Variants in SPATA6 observed in about 807,000 individuals in gnomAD.
The protein encoded by SPATA6 is spermatogenesis associated 6.
Under a neutral mutation model 65.3 loss-of-function variants are expected in SPATA6, and 56 were observed. The observed-to-expected ratio is 0.86, with a 90% CI of 0.69 to 1.07. The LOEUF (loss-of-function observed/expected upper bound fraction) is 1.07, where lower values mean the gene tolerates loss of function less well. Ranked by LOEUF, SPATA6 falls within the 50% of genes least tolerant of loss-of-function variation. SPATA6 has a pLI of 0.00. For synonymous variants in SPATA6, 199 were observed against 213.2 expected (o/e 0.93, Z 0.58); for missense variants, 590 against 594.8 (o/e 0.99, Z 0.08).
At chr1:48,444,726 A>G (rs1655850367) in intron 3 of SPATA6, among the ~76,000 whole-genome samples, 1 of 152,154 alleles carries the variant, frequency 6.6e-6, no homozygotes, top group Non-Finnish European at 1.5e-5. Context: ...TTCACAATAA[A>G]TCTTGCTGCT....
intron 11 of SPATA6, among the ~76,000 whole-genome samples, chr1:48,340,861 C>G (rs1458520762): frequency 6.6e-6 from 1 of 152,080 alleles, no homozygotes; most frequent in Non-Finnish European, 1.5e-5. Flanking sequence ...GTTGGTGTGA[C>G]TATAAAATTG....
At chr1:48,313,683 C>T (rs1321899372) in intron 11 of SPATA6, among the ~76,000 whole-genome samples, 1 of 152,080 alleles carries the variant, frequency 6.6e-6, no homozygotes, top group African/African-American at 2.4e-5. Flanking sequence ...GGATCAAATT[C>T]ACACATAACC....
intron 11 of SPATA6, among the ~76,000 whole-genome samples, chr1:48,350,302 C>CTTTTT (rs545116914): frequency 2.8e-5 from 4 of 140,564 alleles, no homozygotes; most frequent in African/African-American, 1.0e-4. Flanking sequence ...GCTTTTCTTT[C>CTTTTT]TTTTTTTTTT....
intron 3 of SPATA6, among the ~76,000 whole-genome samples, chr1:48,427,346 G>C (rs1031407178): frequency 1.4e-5 from 2 of 139,238 alleles, no homozygotes; most frequent in African/African-American, 2.7e-5. Flanking sequence ...AGAAACCAAA[G>C]AATTTTAAAT....
intron 3 of SPATA6, among the ~76,000 whole-genome samples, chr1:48,426,138 A>G (rs1050901252): frequency 6.6e-6 from 1 of 152,182 alleles, no homozygotes; most frequent in African/African-American, 2.4e-5. Flanking sequence ...ATAAGAACAG[A>G]ACAAACAACC....
At chr1:48,307,909 C>T (rs968065388) in intron 11 of SPATA6, among the ~76,000 whole-genome samples, 4 of 151,836 alleles carry the variant, frequency 2.6e-5, no homozygotes, top group Non-Finnish European at 5.9e-5. Flanking sequence ...TTTGTGTAGC[C>T]ACTGCAATTC....
intron 12 of SPATA6, among the ~76,000 whole-genome samples, chr1:48,301,030 A>G (rs1156849321): frequency 6.6e-6 from 1 of 152,168 alleles, no homozygotes; most frequent in Non-Finnish European, 1.5e-5. Flanking sequence ...TAGTAATGGA[A>G]GTCCTAGCCA....
intron 11 of SPATA6, among the ~76,000 whole-genome samples, chr1:48,313,890 C>A (rs188129975): frequency 6.6e-6 from 1 of 152,056 alleles, no homozygotes. Context: ...GGGTTGCAAT[C>A]CCAGTCTCTG....
the SPATA6 span, among the ~76,000 whole-genome samples, chr1:48,261,775 AT>A: frequency 1.2e-3 from 188 of 152,196 alleles, no homozygotes; most frequent in Admixed American, 7.0e-3. Context: ...TCTATAATAT[AT>A]GTTGTTACCA....
At chr1:48,277,299 T>A in the SPATA6 span, among the ~76,000 whole-genome samples, 2 of 152,198 alleles carry the variant, frequency 1.3e-5, no homozygotes, top group African/African-American at 4.8e-5. Context: ...ACCGGGTTCA[T>A]CTCACTAGGG....
chr1:48,314,301 C>T (rs1293121217), intron 11 of SPATA6, among the ~76,000 whole-genome samples: 1 of 152,138 alleles, frequency 6.6e-6, no homozygotes, highest in Non-Finnish European at 1.5e-5. Flanking sequence ...GTAAAGCACT[C>T]CTCAGCAAAT....
At chr1:48,401,307 A>T (rs1437951461) in intron 6 of SPATA6, among the ~76,000 whole-genome samples, 1 of 152,088 alleles carries the variant, frequency 6.6e-6, no homozygotes, top group Non-Finnish European at 1.5e-5. Context: ...CTCTGATTAT[A>T]TCAAACCTTA....
In SPATA6 at chr1:48,298,780, T is replaced by C. The variant is rs41289160; in HGVS notation, c.1400A>G (p.Asp467Gly). The change falls in exon 13 of 13, where the codon GAC (aspartate) becomes GGC (glycine). Residue 467 changes from aspartate (D) to glycine (G), a missense_variant. Asp to Gly is a moderately conservative substitution (Grantham distance 94, BLOSUM62 -1). Coordinates refer to ENST00000371847, the MANE Select transcript of SPATA6 (RefSeq NM_019073.4). ...SHRPIFENSM[D>G]KMYRNLYKKA... is the part of the protein sequence containing the mutation. ...TTTGTATAAGTTCCTGTACATCTTG[T>C]CCATGCTGTTCTCAAAGATGGGTCG... The C allele has an allele frequency of 6.2e-7, 1 of 1,614,064 alleles. No homozygotes were observed. The highest frequency in any genetic ancestry group is 8.5e-7 in the Non-Finnish European group (1 of 1,179,962).
intron 9 of SPATA6, among the ~76,000 whole-genome samples, chr1:48,360,387 G>C (rs747316575): frequency 6.6e-6 from 1 of 152,100 alleles, no homozygotes; most frequent in Non-Finnish European, 1.5e-5. Flanking sequence ...GCGATGGAAA[G>C]ATTATGCAGG....
intron 11 of SPATA6, among the ~76,000 whole-genome samples, chr1:48,317,321 T>C (rs1029010174): frequency 1.3e-5 from 2 of 152,198 alleles, no homozygotes; most frequent in Non-Finnish European, 2.9e-5. Context: ...ATGTGGCACA[T>C]ATACACTGTG....
At chr1:48,343,756 G>A (rs771622996) in intron 11 of SPATA6, among the ~76,000 whole-genome samples, 10 of 152,026 alleles carry the variant, frequency 6.6e-5, no homozygotes, top group Non-Finnish European at 1.2e-4. Context: ...AAAATTATAC[G>A]GGAATACAAA....
intron 1 of SPATA6, among the ~76,000 whole-genome samples, chr1:48,470,753 C>A (rs1658178429): frequency 6.6e-6 from 1 of 152,080 alleles, no homozygotes; most frequent in Non-Finnish European, 1.5e-5. Context: ...TAAGTGGAGC[C>A]TGGCCAGTAG....
intron 8 of SPATA6, among the ~76,000 whole-genome samples, chr1:48,394,300 T>C (rs569929288): frequency 6.6e-6 from 1 of 152,204 alleles, no homozygotes; most frequent in East Asian, 1.9e-4. Flanking sequence ...TATGTAATCG[T>C]CAAGAAAAAT....
intron 11 of SPATA6, chr1:48,344,424 A>AAC (rs1391025308): frequency 1.3e-5 from 2 of 152,150 alleles, no homozygotes; most frequent in Admixed American, 1.3e-4. Flanking sequence ...CTATTACAAA[A>AAC]ACACACTGAA....
Sources: allele counts gnomAD v4.1 joint callset (sites outside exome capture counted in the v4.1 genomes callset), GRCh38; gene constraint gnomAD v4.1.1; transcripts MANE v1.5; gene names NCBI Gene and HGNC (gene_info 2026-07-23, HGNC 2026-07-21).